Variants in TDRD12 observed in about 807,000 individuals in gnomAD.
The protein encoded by TDRD12 is putative ATP-dependent RNA helicase TDRD12.
A neutral mutation model predicts 133.5 loss-of-function variants in TDRD12; 158 were observed. The observed-to-expected ratio is 1.18, with a 90% CI of 1.04 to 1.35. The LOEUF (loss-of-function observed/expected upper bound fraction) is 1.35, where lower values mean the gene tolerates loss of function less well. TDRD12 is among the 40% of genes most tolerant of loss of function. The probability of loss-of-function intolerance (pLI) is 0.00; values close to 1 mark genes in which losing one functional copy is unlikely to be tolerated. For missense variants in TDRD12, 1,443 were observed against 1,321.3 expected, an observed-to-expected ratio of 1.09 and a Z score of -1.43; for synonymous variants, 460 against 477.9, an observed-to-expected ratio of 0.96 and a Z score of 0.49.
chr19:32,826,387 A>C (rs1057366411), intron 8 of TDRD12, 30 bp downstream of exon 30: 3 of 1,238,062 alleles, frequency 2.4e-6, no homozygotes, highest in Admixed American at 4.1e-5. Flanking sequence ...TATAAAGTAA[A>C]ATAGAAATAA....
In TDRD12 at chr19:32,807,326, C is replaced by T. The variant is rs1047030567; in HGVS notation, c.2553-223C>T. ...GTTTGCTAGAGAAATAATGAAATAA[C>T]TCATTAAGTTTATTCAGTGTTAATT... On this transcript the variant is annotated intron_variant, in intron 21 of 27. Coordinates refer to ENST00000444215, the Ensembl canonical transcript of TDRD12. Among the ~76,000 whole-genome samples the T allele has an allele frequency of 3.6e-5, 4 of 110,728 alleles. No homozygotes were observed. In the South Asian group the frequency reaches 1.4e-3, roughly 38 times the overall value. 72.6% of individuals were successfully genotyped at this position (110,728 alleles called of 152,430 possible). A position where few individuals can be genotyped will look rare whatever the true frequency, so the allele number is the denominator to read the frequency against.
At chr19:32,728,084 G>A (rs930202628) in intron 1 of TDRD12, among the ~76,000 whole-genome samples, 13 of 151,998 alleles carry the variant, frequency 8.6e-5, no homozygotes, top group African/African-American at 3.1e-4. Flanking sequence ...AGACCACAAG[G>A]GTTTATTCTG....
chr19:32,803,993 A>C (rs894724834), intron 21 of TDRD12, among the ~76,000 whole-genome samples: 2 of 152,036 alleles, frequency 1.3e-5, no homozygotes, highest in African/African-American at 4.8e-5. Flanking sequence ...TGCACTGAGA[A>C]TGTCTCCTCC....
At chr19:32,790,212 C>G (rs931189765) in intron 11 of TDRD12, among the ~76,000 whole-genome samples, 2 of 152,174 alleles carry the variant, frequency 1.3e-5, no homozygotes, top group Admixed American at 1.3e-4. Flanking sequence ...CTCCTCTCAG[C>G]AGAGGTGACT....
At chr19:32,721,392 T>A (rs937460873) in intron 1 of TDRD12, among the ~76,000 whole-genome samples, 1 of 145,790 alleles carries the variant, frequency 6.9e-6, no homozygotes, top group African/African-American at 2.6e-5. Context: ...TATTTATTCA[T>A]TTATTTTTTT....
chr19:32,749,806 A>G, exon 6 of TDRD12: 4 of 1,550,720 alleles, frequency 2.6e-6, no homozygotes, highest in Non-Finnish European at 3.5e-6. Flanking sequence ...TGGAAGCCAG[A>G]TTATGTGCTG....
chr19:32,823,916 G>A (rs902259777), downstream of TDRD12, among the ~76,000 whole-genome samples: 1 of 152,224 alleles, frequency 6.6e-6, no homozygotes. Context: ...AGCCTGGTGT[G>A]GGGCCCTCGG....
At chr19:32,756,897 T>A in intron 7 of TDRD12, 141 bp from the exon 8 acceptor site, 1 of 620,552 alleles carries the variant, frequency 1.6e-6, no homozygotes, top group South Asian at 2.2e-5. Flanking sequence ...CAGTTTTTAG[T>A]CCCCTCACCT....
chr19:32,772,702 A>G (rs1184743717), intron 8 of TDRD12, 51 bp from the exon 9 acceptor site: 1 of 1,078,398 alleles, frequency 9.3e-7, no homozygotes, highest in African/African-American at 1.6e-5. Context: ...CCTATTTTCT[A>G]TTAATATCAC....
chr19:32,826,955 AAC>A (rs1440663031), intron 9 of TDRD12, among the ~76,000 whole-genome samples: 1 of 152,114 alleles, frequency 6.6e-6, no homozygotes, highest in Non-Finnish European at 1.5e-5. Context: ...ACCTTTTAAT[AAC>A]ACACTACAGA....
rs1368839909 is a variant in TDRD12 at position 32,805,224 on chromosome 19, T to C, written c.2552+2082T>C. ...ACACACACACACACACACACACATA[T>C]ATATATATATAAGCCAGCTGTGGTG... On this transcript the variant is annotated intron_variant, in intron 21 of 27. Transcript: ENST00000444215. Among the ~76,000 whole-genome samples, 43 of 145,104 alleles carry C rather than the reference T, an allele frequency of 3.0e-4. 1 individual carries two copies. Among genetic ancestry groups the C allele is most frequent in the South Asian group, 1.7e-3 (8 of 4,612 alleles).
At chr19:32,721,155 C>T (rs1762762530) in intron 1 of TDRD12, among the ~76,000 whole-genome samples, 1 of 152,116 alleles carries the variant, frequency 6.6e-6, no homozygotes, top group Non-Finnish European at 1.5e-5. Context: ...TTGTTCTAGT[C>T]CTCGGGGAAG....
At chr19:32,818,801 C>T (rs982181407) in intron 27 of TDRD12, among the ~76,000 whole-genome samples, 1 of 152,058 alleles carries the variant, frequency 6.6e-6, no homozygotes, top group East Asian at 1.9e-4. Context: ...ATGCGTGTCC[C>T]GGACAGGAGT....
chr19:32,821,658 G>A (rs895441558), downstream of TDRD12, among the ~76,000 whole-genome samples: 5 of 152,176 alleles, frequency 3.3e-5, no homozygotes, highest in African/African-American at 9.7e-5. Context: ...GATTATAGGC[G>A]TGAGCCACTG....
At chr19:32,777,170 T>A in exon 11 of TDRD12, 1 of 1,538,496 alleles carries the variant, frequency 6.5e-7, no homozygotes, top group South Asian at 1.2e-5. Context: ...AGAAGTCAAA[T>A]GAGAAACCTC....
chr19:32,741,525 T>C (rs1042914996), intron 3 of TDRD12, among the ~76,000 whole-genome samples: 1 of 152,250 alleles, frequency 6.6e-6, no homozygotes, highest in Non-Finnish European at 1.5e-5. Context: ...AAAACAATTA[T>C]TGTGTTTAAC....
At chr19:32,826,771 C>T in intron 9 of TDRD12, 22 bp downstream of exon 32, 35 of 1,228,402 alleles carry the variant, frequency 2.8e-5, no homozygotes, top group Non-Finnish European at 3.5e-5. Flanking sequence ...AGCGCCCACT[C>T]TCCGAGGGGT....
chr19:32,799,322 C>T (rs922998880), intron 16 of TDRD12, among the ~76,000 whole-genome samples: 2 of 152,202 alleles, frequency 1.3e-5, no homozygotes, highest in African/African-American at 4.8e-5. Flanking sequence ...AGCATCCTTT[C>T]TGAAAGCATG....
chr19:32,811,462 T>C (rs1477713832), intron 24 of TDRD12, 42 bp downstream of exon 24: 3 of 1,481,182 alleles, frequency 2.0e-6, no homozygotes, highest in African/African-American at 2.8e-5. Flanking sequence ...ACTTTTAGAA[T>C]ATATTTAACC....
Sources: gnomAD v4.1 joint callset for allele counts (sites outside exome capture counted in the v4.1 genomes callset) on GRCh38, gnomAD v4.1.1 for gene constraint, MANE v1.5 for transcripts, NCBI Gene and HGNC (gene_info 2026-07-23, HGNC 2026-07-21) for gene names.